Variants in DLG2 observed in about 807,000 individuals in gnomAD.
DLG2 encodes the protein disks large homolog 2.
A neutral mutation model predicts 132.5 loss-of-function variants in DLG2; 45 were observed. That is an observed-to-expected ratio of 0.34 (90% CI 0.27 to 0.44). The LOEUF (loss-of-function observed/expected upper bound fraction) is 0.44. Ranked by LOEUF, DLG2 falls within the 20% of genes least tolerant of loss-of-function variation. DLG2 has a pLI of 1.00. For synonymous variants in DLG2, 424 were observed against 419.6 expected (o/e 1.01, Z -0.13); for missense variants, 1,045 against 1,196.9 (o/e 0.87, Z 1.87).
intron 6 of DLG2, among the ~76,000 whole-genome samples, chr11:84,591,324 TTTTG>T: frequency 2.0e-5 from 3 of 151,446 alleles, no homozygotes; most frequent in Admixed American, 1.3e-4. Flanking sequence ...GTTTTTTTTT[TTTTG>T]TTTTGTTTGT....
At chr11:84,061,969 C>G (rs2096598482) in intron 10 of DLG2, among the ~76,000 whole-genome samples, 1 of 151,986 alleles carries the variant, frequency 6.6e-6, no homozygotes, top group Non-Finnish European at 1.5e-5. Context: ...TTTGCCATCT[C>G]ATGATAATAC....
chr11:83,480,263 A>G, intron 22 of DLG2: 1 of 871,296 alleles, frequency 1.1e-6, no homozygotes, highest in Non-Finnish European at 1.8e-6. Flanking sequence ...CTTTGAATAC[A>G]GATGATAAAA....
At chr11:84,128,068 A>T (rs1021980979) in intron 9 of DLG2, among the ~76,000 whole-genome samples, 2 of 152,194 alleles carry the variant, frequency 1.3e-5, no homozygotes, top group African/African-American at 4.8e-5. Flanking sequence ...CATTTTACTT[A>T]TTCATTGTTA....
chr11:83,593,214 A>T (rs1278647317), intron 19 of DLG2, among the ~76,000 whole-genome samples: 1 of 148,052 alleles, frequency 6.8e-6, no homozygotes, highest in African/African-American at 2.5e-5. Context: ...TTGCGGCATT[A>T]TTCACAATAG....
At chr11:85,611,069 C>G (rs980904568) in intron 2 of DLG2, among the ~76,000 whole-genome samples, 5 of 152,176 alleles carry the variant, frequency 3.3e-5, no homozygotes, top group African/African-American at 1.2e-4. Flanking sequence ...AAACTTATCT[C>G]TATATGTCAC....
At chr11:84,557,480 C>A (rs773801514) in intron 6 of DLG2, among the ~76,000 whole-genome samples, 7 of 151,986 alleles carry the variant, frequency 4.6e-5, no homozygotes, top group Non-Finnish European at 8.8e-5. Context: ...TTTACTGATA[C>A]AGTATTCCTT....
rs151131483 is a variant in DLG2, at chr11:83,861,205, C to A, written c.1565+13215G>T. The stretch of plus-strand genomic sequence containing the variant: ...TATCATTTCACCCCAGTCAAAATGG[C>A]TATATCCAAATGACAGGCAGTTTCA... On this transcript the variant is annotated intron_variant, in intron 16 of 27. Transcript: ENST00000376104. 1.1e-4 allele frequency among the ~76,000 whole-genome samples: 17 copies of A among 152,234 alleles called. No homozygotes were observed. In the East Asian group the frequency reaches 3.3e-3, roughly 29 times the overall value.
chr11:85,477,202 A>C (rs915071478), intron 3 of DLG2, among the ~76,000 whole-genome samples: 1 of 152,222 alleles, frequency 6.6e-6, no homozygotes, highest in African/African-American at 2.4e-5. Context: ...TGAACATCCT[A>C]TTTAAAGACA....
chr11:85,486,223 C>T (rs2093426080), intron 3 of DLG2, among the ~76,000 whole-genome samples: 1 of 152,078 alleles, frequency 6.6e-6, no homozygotes, highest in Non-Finnish European at 1.5e-5. Flanking sequence ...TCCCATGACC[C>T]CTAGAAAAGT....
At chr11:84,025,472 C>T (rs1420219776) in intron 11 of DLG2, among the ~76,000 whole-genome samples, 1 of 152,106 alleles carries the variant, frequency 6.6e-6, no homozygotes, top group East Asian at 1.9e-4. Context: ...ACCATATCAG[C>T]TCCTCATAAT....
intron 3 of DLG2, among the ~76,000 whole-genome samples, chr11:85,531,757 C>CTTT (rs2075227651): frequency 6.6e-6 from 1 of 152,138 alleles, no homozygotes; most frequent in Non-Finnish European, 1.5e-5. Flanking sequence ...AAGACACACG[C>CTTT]TGCAAGATAA....
At position 84,744,857 on chromosome 11, in the gene DLG2, A is replaced by G. The variant is rs149718559; in HGVS notation, c.358-210126T>C. On this transcript the variant is annotated intron_variant, in intron 6 of 27. Coordinates refer to ENST00000376104, the MANE Select transcript of DLG2 (RefSeq NM_001142699.3). Reference sequence around the variant, plus strand: ...CATGAGGAATTTTTTTGAACTACGAAAGTTTCTGCTCTCCAGATCCTGAAA... The same window carrying G: ...CATGAGGAATTTTTTTGAACTACGAGAGTTTCTGCTCTCCAGATCCTGAAA... 5.8e-3 allele frequency among the ~76,000 whole-genome samples: 875 copies of G among 151,252 alleles called. 12 individuals carry two copies. The highest frequency in any genetic ancestry group is 7.3e-3 in the Non-Finnish European group (495 of 67,826).
chr11:83,667,677 T>C (rs1005884554), intron 18 of DLG2, among the ~76,000 whole-genome samples: 2 of 152,098 alleles, frequency 1.3e-5, no homozygotes, highest in Non-Finnish European at 1.5e-5. Context: ...CTACTAATCA[T>C]GTACAGAAAT....
chr11:84,437,225 G>A (rs183571302), intron 7 of DLG2, among the ~76,000 whole-genome samples: 13 of 152,178 alleles, frequency 8.5e-5, no homozygotes, highest in African/African-American at 3.1e-4. Flanking sequence ...AGCAAGCTAG[G>A]CTCTAAGTGT....
At chr11:85,007,431 C>T (rs913229486) in intron 6 of DLG2, among the ~76,000 whole-genome samples, 2 of 151,758 alleles carry the variant, frequency 1.3e-5, no homozygotes, top group Admixed American at 1.3e-4. Context: ...GAAGCTAAGG[C>T]GGGTGGATCA....
intron 7 of DLG2, among the ~76,000 whole-genome samples, chr11:84,251,748 C>A (rs1174234061): frequency 1.4e-5 from 2 of 147,208 alleles, no homozygotes; most frequent in Non-Finnish European, 3.0e-5. Flanking sequence ...TCAGGCAATT[C>A]TCCTGCCTCA....
intron 3 of DLG2, among the ~76,000 whole-genome samples, chr11:85,317,783 G>C (rs956858410): frequency 5.9e-5 from 9 of 151,810 alleles, no homozygotes; most frequent in African/African-American, 1.9e-4. Context: ...AGGAGGGAAA[G>C]GATGGAGAAA....
Position 84,412,767 on chromosome 11 carries a change from A to G in DLG2, c.519+121803T>C, listed in dbSNP as rs995704513. Among the ~76,000 whole-genome samples the G allele has an allele frequency of 2.6e-5, 4 of 152,174 alleles. No individual in the cohort carries two copies. In the South Asian group the frequency reaches 8.3e-4, roughly 32 times the overall value. ...AGCTTTAAGTTTTCCTCATTCTGCT[A>G]CATTCCAGTTCCCAGAATAGAGTTT... On this transcript the variant is annotated intron_variant, in intron 7 of 27. Transcript: ENST00000376104.
intron 9 of DLG2, among the ~76,000 whole-genome samples, chr11:84,104,000 A>T (rs1320811241): frequency 6.6e-6 from 1 of 152,088 alleles, no homozygotes; most frequent in East Asian, 1.9e-4. Context: ...ACATGAAAAG[A>T]TTTGTGTTCA....
Sources: gnomAD v4.1 joint callset for allele counts (sites outside exome capture counted in the v4.1 genomes callset) on GRCh38, gnomAD v4.1.1 for gene constraint, MANE v1.5 for transcripts, NCBI Gene and HGNC (gene_info 2026-07-23, HGNC 2026-07-21) for gene names.